The following FHIT variants were observed in gnomAD, a reference collection of about 807,000 sequenced individuals.
The protein encoded by FHIT is bis(5'-adenosyl)-triphosphatase.
FHIT carries 19 observed loss-of-function variants against 17.9 expected under a neutral mutation model. That is an observed-to-expected ratio of 1.06 (90% CI 0.74 to 1.56). The LOEUF is 1.56. Ranked by LOEUF, FHIT falls within the 40% of genes most tolerant of loss-of-function variation. The pLI is 0.00. For missense variants in FHIT, 248 were observed against 189.2 expected (o/e 1.31, Z -1.82); for synonymous variants, 81 against 69.7 (o/e 1.16, Z -0.81).
rs185816980 is a variant in FHIT, at chr3:59,897,814, T to G, written c.348+24532A>C. Reference sequence around the variant, plus strand: ...GGGAATCTCACCCTGTTGCCCAGGCTGGAGTGCAGTGGCGCGATCTCGGCT... The same window carrying G: ...GGGAATCTCACCCTGTTGCCCAGGCGGGAGTGCAGTGGCGCGATCTCGGCT... On this transcript the variant is annotated intron_variant, in intron 8 of 9. Coordinates refer to ENST00000492590, the MANE Select transcript of FHIT (RefSeq NM_002012.4). Among the ~76,000 whole-genome samples the G allele has an allele frequency of 1.2e-3, 183 of 151,944 alleles. 1 individual carries two copies. The highest frequency in any genetic ancestry group is 4.3e-3 in the African/African-American group (178 of 41,424).
chr3:60,287,550 G>C (rs1204610843), intron 5 of FHIT, among the ~76,000 whole-genome samples: 1 of 152,184 alleles, frequency 6.6e-6, no homozygotes, highest in East Asian at 1.9e-4. Flanking sequence ...TTAATACTTA[G>C]AACACTGTTT....
chr3:60,123,266 G>A (rs539793153), intron 5 of FHIT, among the ~76,000 whole-genome samples: 18 of 152,198 alleles, frequency 1.2e-4, no homozygotes, highest in African/African-American at 4.1e-4. Flanking sequence ...CATGAGATAA[G>A]CGATCATTTG....
intron 7 of FHIT, among the ~76,000 whole-genome samples, chr3:59,970,838 AT>A (rs34305760): frequency 0.64 from 92,372 of 144,382 alleles, 29,649 homozygotes; most frequent in Middle Eastern, 0.69. Flanking sequence ...CACTCCAGCC[AT>A]TTTTTTTTTT....
chr3:60,875,923 A>ATGTGTGTG (rs60177380), intron 3 of FHIT, among the ~76,000 whole-genome samples: 6,454 of 136,770 alleles, frequency 0.047, 191 homozygotes, highest in Middle Eastern at 0.098. Flanking sequence ...AAACTTATTC[A>ATGTGTGTG]TGTGTGTGTG....
chr3:61,039,078 A>T (rs1329051165), intron 3 of FHIT, among the ~76,000 whole-genome samples: 1 of 152,194 alleles, frequency 6.6e-6, no homozygotes, highest in Non-Finnish European at 1.5e-5. Context: ...TTAAAAATAT[A>T]TATATATAAA....
chr3:60,486,068 G>A (rs1202887719), intron 5 of FHIT, among the ~76,000 whole-genome samples: 1 of 152,106 alleles, frequency 6.6e-6, no homozygotes, highest in Non-Finnish European at 1.5e-5. Context: ...ACCTGTTACA[G>A]AAAAGCCTCC....
chr3:60,732,340 T>G (rs2042047282), intron 4 of FHIT: 1 of 907,258 alleles, frequency 1.1e-6, no homozygotes. Flanking sequence ...GCATTTGCCA[T>G]GGGCAAGATG....
At chr3:61,126,159 T>A (rs2036599677) in intron 2 of FHIT, among the ~76,000 whole-genome samples, 1 of 152,072 alleles carries the variant, frequency 6.6e-6, no homozygotes, top group African/African-American at 2.4e-5. Context: ...ATATTTTCAC[T>A]CATTTTCAGT....
intron 7 of FHIT, among the ~76,000 whole-genome samples, chr3:59,977,036 TGGTG>T (rs1708445310): frequency 6.6e-6 from 1 of 152,058 alleles, no homozygotes; most frequent in African/African-American, 2.4e-5. Flanking sequence ...CAGTGAAAAC[TGGTG>T]AAATTATCTT....
intron 8 of FHIT, among the ~76,000 whole-genome samples, chr3:59,785,251 A>T (rs56351611): frequency 0.024 from 3,695 of 151,628 alleles, 121 homozygotes; most frequent in East Asian, 0.16. Flanking sequence ...TCACCTATTT[A>T]TGGCATATTA....
At chr3:60,570,532 C>G (rs1391870665) in intron 4 of FHIT, among the ~76,000 whole-genome samples, 1 of 151,946 alleles carries the variant, frequency 6.6e-6, no homozygotes, top group East Asian at 1.9e-4. Context: ...TAAAAAGCTC[C>G]TGGTTAGCCT....
intron 5 of FHIT, among the ~76,000 whole-genome samples, chr3:60,431,485 CT>C (rs1702903470): frequency 1.3e-5 from 2 of 152,166 alleles, no homozygotes; most frequent in African/African-American, 2.4e-5. Flanking sequence ...CGACAGCTCC[CT>C]CAAAACTATC....
chr3:60,459,504 AG>A lies in FHIT; in HGVS notation c.103+77355del, dbSNP rs1211963756. Among the ~76,000 whole-genome samples, 11 of 152,342 alleles carry A rather than the reference AG, an allele frequency of 7.2e-5. No individual in the cohort carries two copies. In the East Asian group the frequency reaches 1.9e-3, roughly 27 times the overall value. On this transcript the variant is annotated intron_variant, in intron 5 of 9. Coordinates refer to ENST00000492590, the MANE Select transcript of FHIT (RefSeq NM_002012.4). ...AATGCCCTCACTTTCAAAATGGGGCAGTAATAGCTACCACAGATACATAGGT... is the reference window on the plus strand; with the variant it reads ...AATGCCCTCACTTTCAAAATGGGGCATAATAGCTACCACAGATACATAGGT...
At chr3:60,230,159 C>T (rs773296028) in intron 5 of FHIT, among the ~76,000 whole-genome samples, 1 of 152,110 alleles carries the variant, frequency 6.6e-6, no homozygotes, top group East Asian at 1.9e-4. Context: ...TTCACACCAC[C>T]ACATTTCTAG....
chr3:60,384,656 C>T (rs1405619142), intron 5 of FHIT, among the ~76,000 whole-genome samples: 1 of 152,008 alleles, frequency 6.6e-6, no homozygotes, highest in Non-Finnish European at 1.5e-5. Flanking sequence ...ATAAAAACTG[C>T]CAAGGGCCAA....
intron 4 of FHIT, among the ~76,000 whole-genome samples, chr3:60,710,495 G>A (rs1400493959): frequency 6.6e-6 from 1 of 152,242 alleles, no homozygotes; most frequent in Non-Finnish European, 1.5e-5. Flanking sequence ...AAGCGCAAGG[G>A]ATCAGGGAGT....
At chr3:60,951,787 G>A (rs1708895567) in intron 3 of FHIT, among the ~76,000 whole-genome samples, 1 of 152,178 alleles carries the variant, frequency 6.6e-6, no homozygotes, top group South Asian at 2.1e-4. Flanking sequence ...GACAGACCTT[G>A]TTCTTCATTA....
At chr3:60,298,749 G>T (rs1266521830) in intron 5 of FHIT, among the ~76,000 whole-genome samples, 1 of 152,094 alleles carries the variant, frequency 6.6e-6, no homozygotes, top group East Asian at 1.9e-4. Flanking sequence ...GCCTGCTAAT[G>T]TGTATGAAAT....
chr3:59,829,132 T>C lies in FHIT; in HGVS notation c.349-76811A>G, dbSNP rs1701077781. ...GTTAATTACAATAATCACTCTAGTTTGGCCAAATAACATGGAACTAACGAC... is the reference window on the plus strand; with the variant it reads ...GTTAATTACAATAATCACTCTAGTTCGGCCAAATAACATGGAACTAACGAC... On this transcript the variant is annotated intron_variant, in intron 8 of 9. Transcript: ENST00000492590. Among the ~76,000 whole-genome samples the C allele has an allele frequency of 2.6e-5, 4 of 152,286 alleles. No homozygotes were observed. In the South Asian group the frequency reaches 8.3e-4, roughly 32 times the overall value.
Sources: allele counts gnomAD v4.1 joint callset (sites outside exome capture counted in the v4.1 genomes callset), GRCh38; gene constraint gnomAD v4.1.1; transcripts MANE v1.5; gene names NCBI Gene and HGNC (gene_info 2026-07-23, HGNC 2026-07-21).